Variants in MACROD1 observed in about 807,000 individuals in gnomAD.
The protein encoded by MACROD1 is ADP-ribose glycohydrolase MACROD1.
A neutral mutation model predicts 41.4 loss-of-function variants in MACROD1; 31 were observed. The ratio of observed to expected loss-of-function variants is 0.75; its 90% CI spans 0.56 to 1.01. MACROD1 has a LOEUF of 1.01. Ranked by LOEUF, MACROD1 falls within the 50% of genes least tolerant of loss-of-function variation. The pLI, the probability that MACROD1 is intolerant of heterozygous loss-of-function variation, is 0.00. For synonymous variants in MACROD1, 252 were observed against 203.4 expected (o/e 1.24, Z -2.03); for missense variants, 473 against 460.0 (o/e 1.03, Z -0.26).
intron 3 of MACROD1, among the ~76,000 whole-genome samples, chr11:64,080,114 G>A (rs1044821478): frequency 6.6e-6 from 1 of 152,186 alleles, no homozygotes; most frequent in Admixed American, 6.5e-5. Context: ...CCAGGTTCAA[G>A]CGATTCTCCT....
At chr11:64,039,401 G>GTT (rs1484384324) in intron 3 of MACROD1, among the ~76,000 whole-genome samples, 2 of 152,174 alleles carry the variant, frequency 1.3e-5, no homozygotes, top group Non-Finnish European at 2.9e-5. Context: ...TTCCAAGTGT[G>GTT]TTTGAGGTCG....
At chr11:64,114,970 T>C (rs1445984518) in intron 3 of MACROD1, among the ~76,000 whole-genome samples, 1 of 152,122 alleles carries the variant, frequency 6.6e-6, no homozygotes, top group Non-Finnish European at 1.5e-5. Context: ...TTTGGCCTGG[T>C]TGAGTAACAG....
At chr11:64,050,395 G>A (rs1316928625) in intron 3 of MACROD1, among the ~76,000 whole-genome samples, 1 of 152,234 alleles carries the variant, frequency 6.6e-6, no homozygotes, top group Non-Finnish European at 1.5e-5. Context: ...TAGGGGTCCT[G>A]GGGCCAGGCC....
chr11:64,094,104 C>T (rs1944535882), intron 3 of MACROD1, among the ~76,000 whole-genome samples: 1 of 152,142 alleles, frequency 6.6e-6, no homozygotes, highest in African/African-American at 2.4e-5. Context: ...TGAGACCAGC[C>T]TGGACAACAT....
At chr11:64,029,050 C>T (rs1321459871) in intron 3 of MACROD1, among the ~76,000 whole-genome samples, 1 of 152,212 alleles carries the variant, frequency 6.6e-6, no homozygotes, top group Non-Finnish European at 1.5e-5. Flanking sequence ...CTCCCATCCC[C>T]ACCTCCCCGC....
In MACROD1 at chr11:63,998,590, G is replaced by A. The variant is rs1019883306; in HGVS notation, c.*128C>T. On this transcript the variant is annotated 3_prime_UTR_variant, in exon 11 of 11. Transcript: ENST00000255681. ...ACGAGATCTTTATTAGGCTCCTCGGGGGCGGGGCGCGGAGGGAAAGAAGGG... is the reference window on the plus strand; with the variant it reads ...ACGAGATCTTTATTAGGCTCCTCGGAGGCGGGGCGCGGAGGGAAAGAAGGG... 6 of 1,262,644 alleles carry A rather than the reference G, an allele frequency of 4.8e-6. No individual in the cohort carries two copies. Among genetic ancestry groups the A allele is most frequent in the Non-Finnish European group, 6.0e-6 (6 of 1,000,818 alleles). The allele number at this position is 1,262,644 out of a possible 1,614,324, so 78.2% of individuals were successfully genotyped here.
intron 3 of MACROD1, among the ~76,000 whole-genome samples, chr11:64,144,133 C>T (rs898155038): frequency 1.3e-4 from 19 of 151,708 alleles, no homozygotes; most frequent in Non-Finnish European, 2.5e-4. Flanking sequence ...CCCTCAGAGC[C>T]TTCCCACAGT....
rs1267327753 is a variant in MACROD1, at chr11:64,065,759, C to T, written c.518-50478G>A. ...GAGCTGAGATGGCGCCACTGCACTC[C>T]AGCCTGGGCGACAGAGCACGACTCC... On this transcript the variant is annotated intron_variant, in intron 3 of 10. Coordinates refer to ENST00000255681, the MANE Select transcript of MACROD1 (RefSeq NM_014067.4). 2.1e-5 allele frequency among the ~76,000 whole-genome samples: 3 copies of T among 145,952 alleles called. No individual in the cohort carries two copies. The East Asian group carries it at 6.1e-4, about 29-fold the overall frequency.
intron 1 of MACROD1, among the ~76,000 whole-genome samples, chr11:64,164,350 C>T (rs1182084290): frequency 1.3e-5 from 2 of 152,252 alleles, no homozygotes; most frequent in African/African-American, 4.8e-5. Flanking sequence ...GCTGTGGGGG[C>T]TGGATCCTAA....
chr11:64,088,039 G>GC, intron 3 of MACROD1, among the ~76,000 whole-genome samples: 1 of 152,294 alleles, frequency 6.6e-6, no homozygotes, highest in African/African-American at 2.4e-5. Context: ...GGCCCTGGTG[G>GC]CCCTGTCACT....
At chr11:64,076,321 G>A (rs531061027) in intron 3 of MACROD1, among the ~76,000 whole-genome samples, 3 of 152,316 alleles carry the variant, frequency 2.0e-5, no homozygotes, top group East Asian at 1.9e-4. Context: ...TCTGACTTGG[G>A]GTTAGGGACA....
chr11:64,140,777 G>T lies in MACROD1; in HGVS notation c.517+10462C>A, dbSNP rs373134404. ...CAGAGAGGTTAAGTGATTTGCCCAA[G>T]GTCACAAAGCTGGTACACGGTGAAG... On this transcript the variant is annotated intron_variant, in intron 3 of 10. Coordinates refer to ENST00000255681, the MANE Select transcript of MACROD1 (RefSeq NM_014067.4). 2.0e-5 allele frequency among the ~76,000 whole-genome samples: 3 copies of T among 152,286 alleles called. No homozygotes were observed. The East Asian group carries it at 5.8e-4, about 29-fold the overall frequency.
intron 4 of MACROD1, 151 bp from the exon 5 acceptor site, chr11:64,000,494 AC>A: frequency 4.7e-6 from 2 of 423,272 alleles, no homozygotes; most frequent in South Asian, 3.5e-5. Flanking sequence ...CGCTGCCCCC[AC>A]CCCCGCCCGG....
intron 3 of MACROD1, among the ~76,000 whole-genome samples, chr11:64,035,731 T>TCCTCCCCCTCC (rs1943364365): frequency 4.8e-5 from 1 of 20,996 alleles, no homozygotes; most frequent in Non-Finnish European, 1.1e-4. Context: ...CCCCCTCCCC[T>TCCTCCCCCTCC]CCTCCTCCTC....
chr11:64,165,697 A>G lies in MACROD1; in HGVS notation c.298T>C (p.Ser100Pro). ...CGCGCCCCCTCGTGCTTACACTTAC[A>G]TTTCGCCTCCTTCCAGTCGGTGGAG... Reference protein sequence around the residue: ...STSTDWKEAKSFLKGLSDKQR... With the variant: ...STSTDWKEAKPFLKGLSDKQR... The change falls in exon 1 of 11, where the codon TCC becomes CCC. Residue 100 changes from serine (S) to proline (P), a missense_variant and splice_region_variant. Coordinates refer to ENST00000255681, the MANE Select transcript of MACROD1 (RefSeq NM_014067.4). 6.9e-7 allele frequency: 1 copy of G among 1,444,464 alleles called. No homozygotes were observed. The highest frequency in any genetic ancestry group is 9.1e-7 in the Non-Finnish European group (1 of 1,095,576). 89.5% of individuals were successfully genotyped at this position (1,444,464 alleles called of 1,614,324 possible).
intron 3 of MACROD1, chr11:64,148,891 A>C (rs1389215769): frequency 5.1e-6 from 5 of 985,370 alleles, no homozygotes; most frequent in Non-Finnish European, 6.0e-6. Flanking sequence ...CCAGTGCCAA[A>C]GCCACTTTGA....
chr11:64,119,827 G>A (rs1285596177), intron 3 of MACROD1, among the ~76,000 whole-genome samples: 1 of 152,196 alleles, frequency 6.6e-6, no homozygotes, highest in East Asian at 1.9e-4. Context: ...AGTGTGGTGA[G>A]CCATGAGATT....
At position 64,073,136 on chromosome 11, in the gene MACROD1, C is replaced by T. The variant is rs112578016; in HGVS notation, c.518-57855G>A. Among the ~76,000 whole-genome samples the T allele has an allele frequency of 6.0e-3, 919 of 152,344 alleles. 8 individuals are homozygous for T. The highest frequency in any genetic ancestry group is 0.021 in the African/African-American group (859 of 41,582). ...TGCGGAGGGGGCCAGGGACCCCCAC[C>T]GTGGGTTTCTGAGGGCCACGGGGCA... On this transcript the variant is annotated intron_variant, in intron 3 of 10. Coordinates refer to ENST00000255681, the MANE Select transcript of MACROD1 (RefSeq NM_014067.4).
At chr11:64,030,158 C>CAGA (rs2134363175) in intron 3 of MACROD1, among the ~76,000 whole-genome samples, 1 of 151,772 alleles carries the variant, frequency 6.6e-6, no homozygotes, top group African/African-American at 2.4e-5. Context: ...CCTGATCTCC[C>CAGA]CCGTCATGTC....
Sources: allele counts gnomAD v4.1 joint callset (sites outside exome capture counted in the v4.1 genomes callset), GRCh38; gene constraint gnomAD v4.1.1; transcripts MANE v1.5; gene names NCBI Gene and HGNC (gene_info 2026-07-23, HGNC 2026-07-21).